Variants in RPS6KC1 observed in about 807,000 individuals in gnomAD.
RPS6KC1 encodes ribosomal protein S6 kinase C1, also known as inactive ribosomal protein S6 kinase delta-1.
A neutral mutation model predicts 103.8 loss-of-function variants in RPS6KC1; 54 were observed. That is an observed-to-expected ratio of 0.52 (90% confidence interval 0.42 to 0.65). The LOEUF is 0.65. Among genes scored for constraint, RPS6KC1 ranks in the 30% least tolerant of loss-of-function variants. RPS6KC1 has a pLI of 0.00. For synonymous variants in RPS6KC1, 439 were observed against 438.7 expected (o/e 1.00, Z -0.01); for missense variants, 1,151 against 1,253.8 (o/e 0.92, Z 1.24).
chr1:213,783,180 G>A, the RPS6KC1 span, among the ~76,000 whole-genome samples: 1 of 152,124 alleles, frequency 6.6e-6, no homozygotes, highest in Non-Finnish European at 1.5e-5. Context: ...CTAAACCAAG[G>A]CGCATCGGAT....
the RPS6KC1 span, among the ~76,000 whole-genome samples, chr1:213,702,596 A>T: frequency 6.6e-6 from 1 of 151,988 alleles, no homozygotes; most frequent in Non-Finnish European, 1.5e-5. Flanking sequence ...TAAGTGCTGC[A>T]GTGTTGGTGC....
chr1:213,423,436 A>C, the RPS6KC1 span, among the ~76,000 whole-genome samples: 1 of 152,184 alleles, frequency 6.6e-6, no homozygotes, highest in Non-Finnish European at 1.5e-5. Flanking sequence ...AGGCAGCAGC[A>C]TCGGATCTGA....
chr1:213,392,213 G>A, the RPS6KC1 span, among the ~76,000 whole-genome samples: 1 of 152,094 alleles, frequency 6.6e-6, no homozygotes, highest in Non-Finnish European at 1.5e-5. Flanking sequence ...CAGCAGAACC[G>A]ATGGTCTGCT....
the RPS6KC1 span, among the ~76,000 whole-genome samples, chr1:213,456,273 G>T: frequency 5.7e-4 from 87 of 152,172 alleles, 1 homozygote; most frequent in East Asian, 0.013. Context: ...TTGAACCCTA[G>T]GTCCTTGTAT....
At chr1:213,324,686 T>G in the RPS6KC1 span, among the ~76,000 whole-genome samples, 2 of 151,352 alleles carry the variant, frequency 1.3e-5, no homozygotes, top group South Asian at 4.2e-4. Context: ...GTGTTATACC[T>G]GTACCTTTTG....
the RPS6KC1 span, among the ~76,000 whole-genome samples, chr1:213,300,045 T>C: frequency 6.6e-6 from 1 of 152,162 alleles, no homozygotes; most frequent in African/African-American, 2.4e-5. Context: ...GACCTCATGA[T>C]CTGCCTGCCT....
the RPS6KC1 span, among the ~76,000 whole-genome samples, chr1:213,323,952 A>G: frequency 6.6e-6 from 1 of 152,230 alleles, no homozygotes; most frequent in East Asian, 1.9e-4. Flanking sequence ...TGTACCCACC[A>G]TTATAGTATC....
At chr1:213,260,734 A>G (rs2094769962) in intron 12 of RPS6KC1, among the ~76,000 whole-genome samples, 1 of 145,318 alleles carries the variant, frequency 6.9e-6, no homozygotes, top group Non-Finnish European at 1.5e-5. Context: ...AAAGCACAAG[A>G]TAATGTAAGG....
At chr1:213,279,374 T>C (rs2095118498), downstream of RPS6KC1, among the ~76,000 whole-genome samples, 8 of 152,258 alleles carry the variant, frequency 5.3e-5, no homozygotes, top group South Asian at 1.7e-3. Context: ...TTGAAGTCAG[T>C]TTATACTAGG....
the RPS6KC1 span, among the ~76,000 whole-genome samples, chr1:213,477,213 T>A: frequency 6.6e-6 from 1 of 152,232 alleles, no homozygotes; most frequent in Non-Finnish European, 1.5e-5. Flanking sequence ...TATTTAAAGT[T>A]TTATTTATGA....
the RPS6KC1 span, among the ~76,000 whole-genome samples, chr1:213,443,453 T>A: frequency 6.6e-6 from 1 of 152,188 alleles, no homozygotes; most frequent in African/African-American, 2.4e-5. Context: ...TTGGACAAAC[T>A]CCTTGGCCTT....
Position 213,129,715 on chromosome 1 carries a change from G to T in RPS6KC1, c.661G>T (p.Glu221Ter), listed in dbSNP as rs771374489. ...SEQSKTEEER[E>*]SRSLFPGSLK... ...ACAGAGCAAAACAGAAGAAGAACGG[G>T]AAAGTCGTAGCCTCTTTCCTGGCAG... is the stretch of plus-strand genomic sequence containing the variant. Residue 221 changes from glutamate to a stop codon, truncating the protein, a stop_gained, in exon 6 of 15, where the codon GAA (glutamate) becomes TAA (stop). Transcript: ENST00000366960. LOFTEE classifies it high-confidence loss of function. 6.2e-7 allele frequency: 1 copy of T among 1,614,060 alleles called. No homozygotes were observed. The highest frequency in any genetic ancestry group is 1.7e-5 in the Admixed American group (1 of 60,006).
the RPS6KC1 span, among the ~76,000 whole-genome samples, chr1:213,776,990 C>G: frequency 6.6e-6 from 1 of 152,178 alleles, no homozygotes; most frequent in Non-Finnish European, 1.5e-5. Flanking sequence ...CCACTCTCAG[C>G]TTTCATAGAA....
chr1:213,758,789 G>A, the RPS6KC1 span, among the ~76,000 whole-genome samples: 9 of 152,266 alleles, frequency 5.9e-5, no homozygotes, highest in Admixed American at 2.0e-4. Flanking sequence ...CTGCAATCTC[G>A]TGGTAAAACT....
the RPS6KC1 span, among the ~76,000 whole-genome samples, chr1:213,585,560 G>A: frequency 6.6e-6 from 1 of 152,190 alleles, no homozygotes; most frequent in Non-Finnish European, 1.5e-5. Context: ...GATCCCAAGT[G>A]ACCTTCAGCA....
chr1:213,351,336 T>C, the RPS6KC1 span, among the ~76,000 whole-genome samples: 2 of 152,208 alleles, frequency 1.3e-5, no homozygotes, highest in Non-Finnish European at 1.5e-5. Flanking sequence ...AAGGCTTTAA[T>C]TGGTCAAGTA....
intron 12 of RPS6KC1, among the ~76,000 whole-genome samples, chr1:213,243,946 GA>G (rs1478322237): frequency 6.6e-6 from 1 of 152,138 alleles, no homozygotes; most frequent in Non-Finnish European, 1.5e-5. Flanking sequence ...CTGCAGTAGA[GA>G]ATACCAAAGT....
chr1:213,760,848 C>CTTTTT, the RPS6KC1 span, among the ~76,000 whole-genome samples: 1 of 117,208 alleles, frequency 8.5e-6, no homozygotes. Flanking sequence ...TGTGAGTCTA[C>CTTTTT]TTTTTTTTTT....
chr1:213,574,916 T>C, the RPS6KC1 span, among the ~76,000 whole-genome samples: 90 of 152,180 alleles, frequency 5.9e-4, no homozygotes, highest in South Asian at 4.2e-4. Flanking sequence ...ATGGTGTCCA[T>C]GACGGGTGAG....
Sources: gnomAD v4.1 joint callset for allele counts (sites outside exome capture counted in the v4.1 genomes callset) on GRCh38, gnomAD v4.1.1 for gene constraint, MANE v1.5 for transcripts, NCBI Gene and HGNC (gene_info 2026-07-23, HGNC 2026-07-21) for gene names.